Variants in MIA2 observed in about 807,000 individuals in gnomAD.
MIA2 encodes the protein melanoma inhibitory activity protein 2.
In MIA2, 127 loss-of-function variants were observed where a neutral mutation model predicts 167.8. The ratio of observed to expected loss-of-function variants is 0.76; its 90% CI spans 0.66 to 0.88. The LOEUF is 0.88. MIA2 is among the 40% of genes least tolerant of loss of function. The pLI is 0.00. For synonymous variants in MIA2, 552 were observed against 541.9 expected (o/e 1.02, Z -0.26); for missense variants, 1,690 against 1,624.7 (o/e 1.04, Z -0.69).
At chr14:39,267,387 G>A in intron 6 of MIA2, 1 of 1,604,750 alleles carries the variant, frequency 6.2e-7, no homozygotes, top group Non-Finnish European at 8.5e-7. Flanking sequence ...CGAAGGCTGT[G>A]TGTTCTCCGC....
At position 39,326,945 on chromosome 14, in the gene MIA2, C is replaced by T. The variant is rs754381605; in HGVS notation, c.3578C>T (p.Pro1193Leu). The T allele has an allele frequency of 6.3e-7, 1 of 1,594,740 alleles. No homozygotes were observed. The highest frequency in any genetic ancestry group is 8.5e-7 in the Non-Finnish European group (1 of 1,171,538). ...TCAAGCTGTGATAGGTTAACCGATC[C>T]TCATAGGGCTCCCTCTGACACTGGG... is the stretch of plus-strand genomic sequence containing the variant. ...GESSCDRLTD[P>L]HRAPSDTGSL... Residue 1193 changes from proline to leucine, a missense_variant, in exon 25 of 29, where the codon CCT becomes CTT. Transcript: ENST00000640607.
chr14:39,246,956 A>C lies in MIA2; in HGVS notation c.382A>C (p.Asn128His). 6.5e-7 allele frequency: 1 copy of C among 1,532,126 alleles called. No individual in the cohort carries two copies. The highest frequency in any genetic ancestry group is 1.4e-5 in the African/African-American group (1 of 72,028). The allele number at this position is 1,532,126 out of a possible 1,614,324, so 94.9% of individuals were successfully genotyped here. The change falls in exon 4 of 29, where the codon AAT becomes CAT. Residue 128 changes from asparagine to histidine, a missense_variant. Physicochemically the swap from Asn to His is moderately conservative, Grantham distance 68 (BLOSUM62 1). Coordinates refer to ENST00000640607, the MANE Select transcript of MIA2 (RefSeq NM_001329214.4). ...CLLGVSYTFD[N>H]EDSELNGDYG... is the part of the protein sequence containing the mutation. ...TCTTGGAGTAAGTTACACATTTGAC[A>C]ATGAAGATAGTGAATTAAACGGTGA...
chr14:39,326,554 C>T (rs534700385), intron 24 of MIA2, among the ~76,000 whole-genome samples: 13 of 151,198 alleles, frequency 8.6e-5, no homozygotes, highest in African/African-American at 2.7e-4. Context: ...CTCATTTGGA[C>T]TATTGATATA....
intron 26 of MIA2, 43 bp downstream of exon 26, chr14:39,346,069 G>C: frequency 1.3e-6 from 2 of 1,554,552 alleles, no homozygotes; most frequent in Non-Finnish European, 1.8e-6. Context: ...AATTTTGGTG[G>C]CACACTAAAG....
intron 6 of MIA2, among the ~76,000 whole-genome samples, chr14:39,264,958 A>G (rs547789105): frequency 3.9e-5 from 6 of 152,300 alleles, no homozygotes; most frequent in African/African-American, 1.2e-4. Flanking sequence ...AAAAATTCCC[A>G]TGTCTACTTA....
At chr14:39,238,278 T>A (rs2053858509) in intron 2 of MIA2, among the ~76,000 whole-genome samples, 1 of 150,500 alleles carries the variant, frequency 6.6e-6, no homozygotes, top group Non-Finnish European at 1.5e-5. Flanking sequence ...GTTCAAGCTA[T>A]TCTCGTGCCT....
chr14:39,361,935 C>G (rs2074691486), intron 23 of MIA2, among the ~76,000 whole-genome samples: 2 of 152,086 alleles, frequency 1.3e-5, no homozygotes, highest in African/African-American at 4.8e-5. Flanking sequence ...TTATCTTCGT[C>G]TATTGAGATG....
rs972246600 is a variant in MIA2 at position 39,366,949 on chromosome 14, C to T, written c.2248+17972C>T. On this transcript the variant is annotated intron_variant, in intron 23 of 23. Transcript: ENST00000341502. ...CTCAGAGTGTGTGCAAGTGCATGGC[C>T]GCTGTGCTGCTGAGGGGCAGAGAGT... Among the ~76,000 whole-genome samples, 3 of 152,172 alleles carry T rather than the reference C, an allele frequency of 2.0e-5. No homozygotes were observed. In the South Asian group the frequency reaches 6.2e-4, roughly 32 times the overall value.
At chr14:39,286,103 G>A (rs8009651) in intron 9 of MIA2, among the ~76,000 whole-genome samples, 82,788 of 151,884 alleles carry the variant, frequency 0.55, 24,335 homozygotes, top group South Asian at 0.67. Flanking sequence ...TGGCTGGGAG[G>A]TGGAGGTTGT....
chr14:39,332,059 G>C (rs1041747188), intron 25 of MIA2, among the ~76,000 whole-genome samples: 1 of 152,088 alleles, frequency 6.6e-6, no homozygotes, highest in Non-Finnish European at 1.5e-5. Context: ...CCATTCTCCC[G>C]ATCACTTTCA....
intron 2 of MIA2, among the ~76,000 whole-genome samples, 196 bp from the exon 3 acceptor site, chr14:39,240,365 T>C (rs1319375775): frequency 6.6e-6 from 1 of 152,220 alleles, no homozygotes; most frequent in Non-Finnish European, 1.5e-5. Flanking sequence ...TTTGGCTCTT[T>C]GTTCCTTAAA....
rs775834361 is a variant in MIA2 at position 39,350,145 on chromosome 14, A to C, written c.4120A>C (p.Arg1374=). The change falls in exon 29 of 29, where the codon AGA becomes CGA. Residue 1374 remains arginine (R), a synonymous_variant. Coordinates refer to ENST00000640607, the MANE Select transcript of MIA2 (RefSeq NM_001329214.4). ...PRGFPPYLPP[R]PGFFPPPPHS... ...GGGTTTTCCTCCTTACCTTCCCCCA[A>C]GACCTGGATTTTTCCCCCCACCCCC... The C allele has an allele frequency of 1.4e-6, 2 of 1,381,464 alleles. No homozygotes were observed. Among genetic ancestry groups the C allele is most frequent in the African/African-American group, 3.0e-5 (2 of 66,514 alleles). The allele number at this position is 1,381,464 out of a possible 1,614,324, so 85.6% of individuals were successfully genotyped here.
chr14:39,347,797 A>G (rs1455356159), intron 27 of MIA2, 26 bp downstream of exon 27: 5 of 1,116,336 alleles, frequency 4.5e-6, no homozygotes, highest in Non-Finnish European at 5.3e-6. Context: ...GTGGAATTGT[A>G]TGCATGTATT....
chr14:39,294,175 G>A, intron 12 of MIA2, 104 bp downstream of exon 12: 2 of 766,240 alleles, frequency 2.6e-6, no homozygotes, highest in African/African-American at 1.9e-5. Context: ...GAGATATAGG[G>A]GATCCCAGAT....
intron 10 of MIA2, 51 bp from the exon 11 acceptor site, chr14:39,293,220 C>G (rs753399630): frequency 8.3e-7 from 1 of 1,205,656 alleles, no homozygotes. Context: ...GTCTGATTTC[C>G]CTAATGAAAA....
chr14:39,287,376 T>G (rs1035617025), intron 9 of MIA2, among the ~76,000 whole-genome samples: 1 of 151,952 alleles, frequency 6.6e-6, no homozygotes, highest in African/African-American at 2.4e-5. Flanking sequence ...CACCCAGCCC[T>G]TCCAGTACTG....
At chr14:39,294,688 C>T (rs1246785090) in intron 12 of MIA2, among the ~76,000 whole-genome samples, 1 of 152,074 alleles carries the variant, frequency 6.6e-6, no homozygotes, top group East Asian at 1.9e-4. Flanking sequence ...ATTTGCTGCA[C>T]AGTACATAGA....
In MIA2 at chr14:39,314,800, GTATATA is replaced by G. The variant is rs75318507; in HGVS notation, c.3180+7_3180+12del. On this transcript the variant is annotated splice_donor_variant and splice_donor_5th_base_variant and intron_variant, in intron 20 of 28. Transcript: ENST00000640607. LOFTEE classifies it high-confidence loss of function. ...AACTATTCATTCTTATCAAGGGCAG[GTATATA>G]TATATGTGTGTGTGTGTGTGTGTGT... 9.2e-6 allele frequency: 10 copies of G among 1,090,070 alleles called. No individual in the cohort carries two copies. Among genetic ancestry groups the G allele is most frequent in the South Asian group, 3.0e-5 (2 of 66,536 alleles). 67.5% of individuals were successfully genotyped at this position (1,090,070 alleles called of 1,614,324 possible). A position where few individuals can be genotyped will look rare whatever the true frequency, so the allele number is the denominator to read the frequency against.
At chr14:39,275,389 C>T (rs562472756) in intron 6 of MIA2, among the ~76,000 whole-genome samples, 5 of 152,320 alleles carry the variant, frequency 3.3e-5, no homozygotes, top group East Asian at 1.9e-4. Flanking sequence ...GATCCGCCTA[C>T]GTTGGCTTCC....
Sources: gnomAD v4.1 joint callset for allele counts (sites outside exome capture counted in the v4.1 genomes callset) on GRCh38, gnomAD v4.1.1 for gene constraint, MANE v1.5 for transcripts, NCBI Gene and HGNC (gene_info 2026-07-23, HGNC 2026-07-21) for gene names.